The following GALNT13 variants were observed in gnomAD, a reference collection of about 807,000 sequenced individuals.
GALNT13 encodes the protein polypeptide N-acetylgalactosaminyltransferase 13, also known as UDP-GalNAc:polypeptide N-acetylgalactosaminyltransferase 13.
In GALNT13, 28 loss-of-function variants were observed where a neutral mutation model predicts 64.2. The observed-to-expected ratio is 0.44, with a 90% CI of 0.32 to 0.60. GALNT13 has a LOEUF of 0.60. GALNT13 is among the 20% of genes least tolerant of loss of function. The pLI is 0.05. For synonymous variants in GALNT13, 214 were observed against 224.6 expected, an observed-to-expected ratio of 0.95 and a Z score of 0.42; for missense variants, 577 against 669.8, an observed-to-expected ratio of 0.86 and a Z score of 1.53.
the GALNT13 span, among the ~76,000 whole-genome samples, chr2:153,519,585 A>G: frequency 1.1e-4 from 17 of 152,020 alleles, no homozygotes; most frequent in African/African-American, 4.1e-4. Flanking sequence ...GTTTATTTAG[A>G]TAAAGTTTCT....
At chr2:154,212,004 A>G (rs1346418771) in intron 4 of GALNT13, among the ~76,000 whole-genome samples, 1 of 152,266 alleles carries the variant, frequency 6.6e-6, no homozygotes, top group East Asian at 1.9e-4. Flanking sequence ...TGTACCAAAG[A>G]AAAAACTAAA....
At chr2:153,285,709 A>G in the GALNT13 span, among the ~76,000 whole-genome samples, 6 of 152,160 alleles carry the variant, frequency 3.9e-5, no homozygotes, top group East Asian at 1.2e-3. Context: ...AATAGAGGCA[A>G]TGCTATTAAA....
rs1396223433 is a variant in GALNT13, at chr2:153,978,246, AAGAT to A, written c.142+33610_142+33613del. ...CTTTCTTTCTACTTCCTGAAAGACT[AAGAT>A]AGTAGCATAAGGACAGAAAATTGAA... On this transcript the variant is annotated intron_variant, in intron 3 of 12. Transcript: ENST00000392825. Among the ~76,000 whole-genome samples the A allele has an allele frequency of 3.9e-5, 6 of 152,194 alleles. No individual in the cohort carries two copies. The East Asian group carries it at 1.2e-3, about 29-fold the overall frequency.
the GALNT13 span, among the ~76,000 whole-genome samples, chr2:153,327,077 C>G: frequency 6.6e-6 from 1 of 151,756 alleles, no homozygotes; most frequent in Non-Finnish European, 1.5e-5. Flanking sequence ...GAGCGAGACT[C>G]TGTCTCAAAA....
intron 3 of GALNT13, among the ~76,000 whole-genome samples, chr2:154,039,517 A>G (rs559509344): frequency 1.9e-4 from 27 of 140,214 alleles, no homozygotes; most frequent in African/African-American, 6.4e-4. Context: ...GCACAAAAAG[A>G]TAAGTACTGC....
At chr2:154,053,479 G>T (rs1286424916) in intron 3 of GALNT13, among the ~76,000 whole-genome samples, 1 of 148,598 alleles carries the variant, frequency 6.7e-6, no homozygotes, top group Admixed American at 6.7e-5. Context: ...AAACTTTTCT[G>T]GCCTGGATTT....
the GALNT13 span, among the ~76,000 whole-genome samples, chr2:153,206,345 A>G: frequency 6.6e-6 from 1 of 152,094 alleles, no homozygotes; most frequent in East Asian, 1.9e-4. Context: ...TTTCATGGCT[A>G]AAGGGCTTTT....
the GALNT13 span, among the ~76,000 whole-genome samples, chr2:153,809,575 C>T: frequency 6.6e-6 from 1 of 152,160 alleles, no homozygotes; most frequent in Admixed American, 6.5e-5. Context: ...CAATTTTAAT[C>T]ATATGCCCAC....
chr2:153,099,785 T>C, the GALNT13 span, among the ~76,000 whole-genome samples: 2 of 152,220 alleles, frequency 1.3e-5, no homozygotes. Flanking sequence ...CATTAGGCAA[T>C]TAATATTTAT....
chr2:153,214,171 T>C, the GALNT13 span, among the ~76,000 whole-genome samples: 51 of 152,230 alleles, frequency 3.4e-4, no homozygotes, highest in African/African-American at 1.2e-3. Context: ...TTTTGCAAAA[T>C]GTTGGAGAGG....
At chr2:153,230,516 G>C in the GALNT13 span, among the ~76,000 whole-genome samples, 2 of 152,136 alleles carry the variant, frequency 1.3e-5, no homozygotes, top group Non-Finnish European at 2.9e-5. Context: ...CTTTGAAATG[G>C]AGGAACCCCA....
At chr2:154,350,051 A>T (rs1218127055) in intron 9 of GALNT13, among the ~76,000 whole-genome samples, 1 of 152,152 alleles carries the variant, frequency 6.6e-6, no homozygotes, top group Non-Finnish European at 1.5e-5. Flanking sequence ...AACCAGAAGA[A>T]ATTTTTATCA....
At chr2:153,893,878 G>A (rs550724461) in intron 1 of GALNT13, among the ~76,000 whole-genome samples, 8 of 152,104 alleles carry the variant, frequency 5.3e-5, no homozygotes, top group African/African-American at 1.7e-4. Flanking sequence ...TGATGGAAGT[G>A]GAATGGGTCA....
In GALNT13 at chr2:153,879,607, A is replaced by T. The variant is rs557153788; in HGVS notation, c.-177+7304A>T. Among the ~76,000 whole-genome samples the T allele has an allele frequency of 2.1e-4, 32 of 151,800 alleles. No individual in the cohort carries two copies. In the South Asian group the frequency reaches 2.9e-3, roughly 14 times the overall value. ...AGGCTGGTCTTAAACTCCTGGCCTCAAGTAGTCCTCCCGCCTCAGCCTCCC... is the reference window on the plus strand; with the variant it reads ...AGGCTGGTCTTAAACTCCTGGCCTCTAGTAGTCCTCCCGCCTCAGCCTCCC... On this transcript the variant is annotated intron_variant, in intron 1 of 12. Transcript: ENST00000392825.
chr2:153,169,056 A>G, the GALNT13 span, among the ~76,000 whole-genome samples: 53 of 152,224 alleles, frequency 3.5e-4, no homozygotes, highest in East Asian at 8.7e-3. Context: ...AGAAAAAAAT[A>G]TTTTTGCTTC....
At chr2:153,491,657 A>T in the GALNT13 span, among the ~76,000 whole-genome samples, 1 of 151,642 alleles carries the variant, frequency 6.6e-6, no homozygotes, top group African/African-American at 2.4e-5. Flanking sequence ...GTCTCGCTCT[A>T]TTGCCCAGGC....
intron 4 of GALNT13, among the ~76,000 whole-genome samples, chr2:154,165,204 C>G (rs1356086165): frequency 1.3e-5 from 2 of 152,064 alleles, no homozygotes; most frequent in Non-Finnish European, 2.9e-5. Context: ...ATAATATAAT[C>G]TAACAGGGGT....
intron 11 of GALNT13, among the ~76,000 whole-genome samples, chr2:154,420,910 C>G (rs1190756534): frequency 6.6e-6 from 1 of 152,214 alleles, no homozygotes; most frequent in African/African-American, 2.4e-5. Context: ...TTTGCTGTAC[C>G]TGTGATTGTC....
intron 9 of GALNT13, among the ~76,000 whole-genome samples, chr2:154,361,936 C>G (rs10170680): frequency 0.13 from 20,342 of 152,026 alleles, 1,490 homozygotes; most frequent in African/African-American, 0.15. Flanking sequence ...TATGACTCAT[C>G]TCTCAAGATA....
Sources: gnomAD v4.1 joint callset for allele counts (sites outside exome capture counted in the v4.1 genomes callset) on GRCh38, gnomAD v4.1.1 for gene constraint, MANE v1.5 for transcripts, NCBI Gene and HGNC (gene_info 2026-07-23, HGNC 2026-07-21) for gene names.